The following GPATCH2 variants were observed in gnomAD, a reference collection of about 807,000 sequenced individuals.
GPATCH2 encodes G patch domain-containing protein 2.
A neutral mutation model predicts 58.0 loss-of-function variants in GPATCH2; 51 were observed. The ratio of observed to expected loss-of-function variants is 0.88; its 90% CI spans 0.70 to 1.11. The LOEUF (loss-of-function observed/expected upper bound fraction) is 1.11. Ranked by LOEUF, GPATCH2 falls within the 50% of genes most tolerant of loss-of-function variation. The pLI is 0.00. For missense variants in GPATCH2, 625 were observed against 652.2 expected, an observed-to-expected ratio of 0.96 and a Z score of 0.45; for synonymous variants, 222 against 218.5, an observed-to-expected ratio of 1.02 and a Z score of -0.14.
At chr1:217,559,944 G>A (rs1245070989) in intron 5 of GPATCH2, among the ~76,000 whole-genome samples, 4 of 151,980 alleles carry the variant, frequency 2.6e-5, no homozygotes, top group Non-Finnish European at 4.4e-5. Context: ...TCTAGGCTTG[G>A]TTCAAGCGAT....
intron 9 of GPATCH2, among the ~76,000 whole-genome samples, chr1:217,448,642 T>C (rs1271893329): frequency 1.3e-5 from 2 of 152,212 alleles, no homozygotes; most frequent in Non-Finnish European, 2.9e-5. Context: ...TTCCCTCTGA[T>C]CAGTACTTGT....
chr1:217,584,181 C>A (rs111652526), intron 5 of GPATCH2, among the ~76,000 whole-genome samples: 6 of 151,510 alleles, frequency 4.0e-5, no homozygotes, highest in Admixed American at 1.3e-4. Flanking sequence ...ACAATATTTT[C>A]TGTTCAAAGA....
At chr1:217,582,921 T>G (rs1438029396) in intron 5 of GPATCH2, among the ~76,000 whole-genome samples, 1 of 152,178 alleles carries the variant, frequency 6.6e-6, no homozygotes, top group East Asian at 1.9e-4. Flanking sequence ...ACTACTGAAA[T>G]ACACCATTCA....
intron 7 of GPATCH2, chr1:217,495,042 G>A (rs1661944748): frequency 1.7e-6 from 1 of 602,260 alleles, no homozygotes; most frequent in Non-Finnish European, 2.1e-6. Context: ...GCTGGACTTA[G>A]GCCAAACGAA....
chr1:217,543,470 C>T (rs920131202), intron 5 of GPATCH2, among the ~76,000 whole-genome samples: 13 of 152,026 alleles, frequency 8.6e-5, no homozygotes, highest in East Asian at 1.9e-4. Context: ...GGGGTTTCAA[C>T]GTGTTAGCCA....
In GPATCH2 at chr1:217,429,318, A is replaced by T. The variant is rs887653141; in HGVS notation, c.*1827T>A. 3 of 152,178 alleles carry T rather than the reference A, an allele frequency of 2.0e-5. No homozygotes were observed. Among genetic ancestry groups the T allele is most frequent in the Non-Finnish European group, 4.4e-5 (3 of 68,032 alleles). 9.4% of individuals were successfully genotyped at this position (152,178 alleles called of 1,614,324 possible). The stretch of plus-strand genomic sequence containing the variant: ...TCCAGTAAGAATGCTTCAAAAGAAC[A>T]TCTCTTCTGGTCGTCCATAGTTCCC... On this transcript the variant is annotated 3_prime_UTR_variant, in exon 10 of 10. Coordinates refer to ENST00000366935, the MANE Select transcript of GPATCH2 (RefSeq NM_018040.5).
intron 8 of GPATCH2, among the ~76,000 whole-genome samples, chr1:217,483,617 T>C (rs552963903): frequency 6.6e-6 from 1 of 152,370 alleles, no homozygotes; most frequent in African/African-American, 2.4e-5. Flanking sequence ...TTTAGGAAAC[T>C]TCAAAACTGG....
rs187905145 is a variant in GPATCH2, at chr1:217,499,830, G to A, written c.1167-1435C>T. Among the ~76,000 whole-genome samples, 103 of 150,654 alleles carry A rather than the reference G, an allele frequency of 6.8e-4. 1 individual carries two copies. The highest frequency in any genetic ancestry group is 5.8e-3 in the Admixed American group (87 of 15,084). On this transcript the variant is annotated intron_variant, in intron 6 of 9. Coordinates refer to ENST00000366935, the MANE Select transcript of GPATCH2 (RefSeq NM_018040.5). ...AAAGGATTAAAAACAGCAATTTCTTGTTCCATCTATCCTGACTCCTAAGCT... is the reference window on the plus strand; with the variant it reads ...AAAGGATTAAAAACAGCAATTTCTTATTCCATCTATCCTGACTCCTAAGCT...
intron 5 of GPATCH2, among the ~76,000 whole-genome samples, chr1:217,581,523 C>T (rs900599120): frequency 2.0e-5 from 3 of 152,172 alleles, no homozygotes; most frequent in Non-Finnish European, 4.4e-5. Flanking sequence ...GCCAGAGTTG[C>T]TGAGTCCCAC....
intron 6 of GPATCH2, among the ~76,000 whole-genome samples, chr1:217,503,065 C>CT (rs1662382696): frequency 6.6e-6 from 1 of 152,066 alleles, no homozygotes; most frequent in African/African-American, 2.4e-5. Flanking sequence ...GTGTTTATAT[C>CT]TTTTTTCTTC....
chr1:217,480,305 T>G (rs1488764223), intron 8 of GPATCH2, among the ~76,000 whole-genome samples: 2 of 151,980 alleles, frequency 1.3e-5, no homozygotes, highest in African/African-American at 4.8e-5. Context: ...AAAAAAAATC[T>G]AATAATCTGA....
intron 5 of GPATCH2, among the ~76,000 whole-genome samples, chr1:217,603,342 A>T (rs1314820774): frequency 6.6e-6 from 1 of 152,172 alleles, no homozygotes; most frequent in Non-Finnish European, 1.5e-5. Context: ...AGTTTTTCCT[A>T]AAGGGTTTTC....
At chr1:217,464,230 A>G (rs1660335089) in intron 8 of GPATCH2, among the ~76,000 whole-genome samples, 1 of 152,006 alleles carries the variant, frequency 6.6e-6, no homozygotes, top group Non-Finnish European at 1.5e-5. Flanking sequence ...ATTACTGAAA[A>G]CCCCTGGACA....
chr1:217,478,067 C>T (rs1661047660), intron 8 of GPATCH2, among the ~76,000 whole-genome samples: 1 of 152,222 alleles, frequency 6.6e-6, no homozygotes, highest in East Asian at 1.9e-4. Context: ...AATACCTCTA[C>T]AAGTCTGCAA....
At chr1:217,512,494 G>A (rs1271428557) in intron 6 of GPATCH2, among the ~76,000 whole-genome samples, 4 of 152,230 alleles carry the variant, frequency 2.6e-5, no homozygotes, top group Non-Finnish European at 5.9e-5. Context: ...ATACCTCTGT[G>A]TAGGATTTCT....
chr1:217,457,813 T>A (rs1244449048), intron 8 of GPATCH2, among the ~76,000 whole-genome samples: 1 of 152,228 alleles, frequency 6.6e-6, no homozygotes, highest in Admixed American at 6.5e-5. Context: ...ACACTCATTT[T>A]CATTTCAAAA....
chr1:217,602,511 G>T (rs1479137192), intron 5 of GPATCH2, among the ~76,000 whole-genome samples: 1 of 152,134 alleles, frequency 6.6e-6, no homozygotes, highest in African/African-American at 2.4e-5. Flanking sequence ...GAAATACAGA[G>T]GATATAATCA....
chr1:217,514,037 G>T (rs571453749), intron 6 of GPATCH2, among the ~76,000 whole-genome samples: 54 of 152,086 alleles, frequency 3.6e-4, no homozygotes, highest in African/African-American at 1.3e-3. Context: ...ATGTTGGCCA[G>T]GCTGGTCTCG....
intron 7 of GPATCH2, 95 bp from the exon 8 acceptor site, chr1:217,491,845 C>A (rs1381078794): frequency 4.6e-6 from 2 of 435,006 alleles, no homozygotes; most frequent in South Asian, 5.0e-5. Context: ...AGGGACACTA[C>A]TCATTTATTT....
Sources: gnomAD v4.1 joint callset for allele counts (sites outside exome capture counted in the v4.1 genomes callset) on GRCh38, gnomAD v4.1.1 for gene constraint, MANE v1.5 for transcripts, NCBI Gene and HGNC (gene_info 2026-07-23, HGNC 2026-07-21) for gene names.